Variants in NELL2 observed in about 807,000 individuals in gnomAD.
The protein encoded by NELL2 is neural EGFL like 2.
Under a neutral mutation model 109.6 loss-of-function variants are expected in NELL2, and 41 were observed. That is an observed-to-expected ratio of 0.37 (90% CI 0.29 to 0.49). The LOEUF (loss-of-function observed/expected upper bound fraction) is 0.49, where lower values mean the gene tolerates loss of function less well. NELL2 is among the 20% of genes least tolerant of loss of function. The pLI, the probability that NELL2 is intolerant of heterozygous loss-of-function variation, is 0.98. For synonymous variants in NELL2, 355 were observed against 344.7 expected (o/e 1.03, Z -0.33); for missense variants, 900 against 1,008.3 (o/e 0.89, Z 1.45).
chr12:44,780,517 A>G (rs1941918402), intron 3 of NELL2, among the ~76,000 whole-genome samples: 1 of 151,884 alleles, frequency 6.6e-6, no homozygotes, highest in Admixed American at 6.6e-5. Flanking sequence ...TGAGGCATGT[A>G]ACACCAGAAT....
At chr12:44,749,980 A>G (rs900373363) in intron 9 of NELL2, among the ~76,000 whole-genome samples, 9 of 152,104 alleles carry the variant, frequency 5.9e-5, no homozygotes, top group African/African-American at 9.7e-5. Flanking sequence ...CAGGGAGAAA[A>G]AAAAAGGAGA....
At chr12:44,618,319 A>G (rs1041144047) in intron 13 of NELL2, among the ~76,000 whole-genome samples, 1 of 152,106 alleles carries the variant, frequency 6.6e-6, no homozygotes, top group Non-Finnish European at 1.5e-5. Flanking sequence ...GCAACTAGGA[A>G]TTTGTTCTGA....
intron 2 of NELL2, among the ~76,000 whole-genome samples, chr12:44,832,850 G>A (rs1300241822): frequency 6.6e-6 from 1 of 152,218 alleles, no homozygotes; most frequent in Non-Finnish European, 1.5e-5. Flanking sequence ...TCTATGAAAA[G>A]AACTTAGTCC....
chr12:44,736,004 CTTTTT>C (rs35988182), intron 9 of NELL2, among the ~76,000 whole-genome samples: 2 of 99,398 alleles, frequency 2.0e-5, no homozygotes, highest in African/African-American at 7.2e-5. Context: ...GCAGTTAATT[CTTTTT>C]TTTTTTTTTT....
intron 9 of NELL2, among the ~76,000 whole-genome samples, chr12:44,753,677 G>A (rs1315938201): frequency 6.6e-6 from 1 of 151,988 alleles, no homozygotes; most frequent in African/African-American, 2.4e-5. Flanking sequence ...GATTTAATGA[G>A]GTAAGATATA....
chr12:44,695,746 G>A (rs1389707581), intron 12 of NELL2, among the ~76,000 whole-genome samples: 2 of 151,988 alleles, frequency 1.3e-5, no homozygotes, highest in African/African-American at 4.8e-5. Context: ...ACTGTTGGAG[G>A]AAATAAGATC....
At chr12:44,678,909 T>C (rs914644768) in intron 12 of NELL2, among the ~76,000 whole-genome samples, 8 of 151,880 alleles carry the variant, frequency 5.3e-5, no homozygotes, top group Non-Finnish European at 1.2e-4. Context: ...AAGTCTGAGA[T>C]GAAGAAGTGA....
At chr12:44,838,543 T>C (rs1194015209) in intron 2 of NELL2, among the ~76,000 whole-genome samples, 1 of 152,148 alleles carries the variant, frequency 6.6e-6, no homozygotes, top group Non-Finnish European at 1.5e-5. Context: ...GGAACAATAA[T>C]AATAGTACAC....
intron 12 of NELL2, among the ~76,000 whole-genome samples, chr12:44,667,830 G>C (rs947819412): frequency 1.5e-4 from 23 of 152,298 alleles, no homozygotes; most frequent in African/African-American, 5.5e-4. Context: ...AAGATCTGCA[G>C]AGGTCCACAT....
chr12:44,688,566 C>T (rs780066232), intron 12 of NELL2, among the ~76,000 whole-genome samples: 143 of 152,290 alleles, frequency 9.4e-4, no homozygotes, highest in Non-Finnish European at 1.6e-3. Flanking sequence ...AGATGTTAAA[C>T]AATTTTCGCA....
At chr12:44,871,458 CAAT>C (rs1260617842) in intron 2 of NELL2, among the ~76,000 whole-genome samples, 1 of 152,212 alleles carries the variant, frequency 6.6e-6, no homozygotes, top group African/African-American at 2.4e-5. Context: ...ATTGTCATAA[CAAT>C]GATCATTTTA....
chr12:44,836,278 TA>T (rs1944051878), intron 2 of NELL2, among the ~76,000 whole-genome samples: 1 of 152,166 alleles, frequency 6.6e-6, no homozygotes, highest in South Asian at 2.1e-4. Flanking sequence ...ATTCCCACAC[TA>T]GGCGGGTGAG....
At chr12:44,782,924 C>T (rs1942020028) in intron 3 of NELL2, among the ~76,000 whole-genome samples, 2 of 151,988 alleles carry the variant, frequency 1.3e-5, no homozygotes, top group Non-Finnish European at 2.9e-5. Flanking sequence ...TACCACTCAA[C>T]AACAACAGAA....
At chr12:44,735,882 T>C (rs571409776) in intron 9 of NELL2, among the ~76,000 whole-genome samples, 1 of 152,224 alleles carries the variant, frequency 6.6e-6, no homozygotes, top group African/African-American at 2.4e-5. Context: ...AATTTTCATC[T>C]TTTTAATTAA....
intron 15 of NELL2, among the ~76,000 whole-genome samples, chr12:44,548,527 A>G (rs531124208): frequency 1.4e-5 from 2 of 145,938 alleles, no homozygotes; most frequent in African/African-American, 5.2e-5. Context: ...CCCGGGTGAC[A>G]GTGTGAGACT....
rs184695139 is a variant in NELL2, at chr12:44,687,063, C to T, written c.1318+16663G>A. 2.8e-3 allele frequency among the ~76,000 whole-genome samples: 432 copies of T among 152,336 alleles called. 1 individual carries two copies. The highest frequency in any genetic ancestry group is 9.5e-3 in the African/African-American group (397 of 41,576). The stretch of plus-strand genomic sequence containing the variant: ...TATGCTAGCAATCAGCGAGACTCCA[C>T]GGGCATAGGACCCTCCGAGCCAAGT... On this transcript the variant is annotated intron_variant, in intron 12 of 19. Transcript: ENST00000429094.
chr12:44,905,416 G>T (rs1592714965), intron 1 of NELL2, among the ~76,000 whole-genome samples: 1 of 151,764 alleles, frequency 6.6e-6, no homozygotes, highest in Non-Finnish European at 1.5e-5. Context: ...ATAAGTTCTT[G>T]TAGCTGTTTA....
chr12:44,887,950 T>C (rs1945492943), intron 1 of NELL2, among the ~76,000 whole-genome samples: 1 of 152,056 alleles, frequency 6.6e-6, no homozygotes, highest in Non-Finnish European at 1.5e-5. Flanking sequence ...TTTCTTCTAG[T>C]AGTTTCATAG....
At chr12:44,756,400 A>G (rs1940890541) in intron 9 of NELL2, among the ~76,000 whole-genome samples, 1 of 151,758 alleles carries the variant, frequency 6.6e-6, no homozygotes, top group Non-Finnish European at 1.5e-5. Flanking sequence ...ATTTCTTCCC[A>G]TCTTAAAAAA....
Sources: allele counts gnomAD v4.1 joint callset (sites outside exome capture counted in the v4.1 genomes callset), GRCh38; gene constraint gnomAD v4.1.1; transcripts MANE v1.5; gene names NCBI Gene and HGNC (gene_info 2026-07-23, HGNC 2026-07-21).